Variants in FAM184A observed in about 807,000 individuals in gnomAD.
FAM184A encodes family with sequence similarity 184 member A.
In FAM184A, 99 loss-of-function variants were observed where a neutral mutation model predicts 143.8. That is an observed-to-expected ratio of 0.69 (90% confidence interval 0.58 to 0.81). FAM184A has a LOEUF of 0.81. Ranked by LOEUF, FAM184A falls within the 40% of genes least tolerant of loss-of-function variation. The pLI is 0.00. For missense variants in FAM184A, 1,217 were observed against 1,310.5 expected, an observed-to-expected ratio of 0.93 and a Z score of 1.10; for synonymous variants, 427 against 446.4, an observed-to-expected ratio of 0.96 and a Z score of 0.55.
At chr6:119,034,541 T>C (rs1448720855) in intron 1 of FAM184A, among the ~76,000 whole-genome samples, 11 of 151,464 alleles carry the variant, frequency 7.3e-5, no homozygotes, top group African/African-American at 2.7e-4. Context: ...TGAGTCGTCA[T>C]ATTCTTTGTC....
At chr6:119,074,966 G>A (rs987513303) in intron 1 of FAM184A, among the ~76,000 whole-genome samples, 120 of 152,330 alleles carry the variant, frequency 7.9e-4, no homozygotes, top group African/African-American at 2.8e-3. Flanking sequence ...ACCATGAGAA[G>A]GCAGCTATGT....
intron 1 of FAM184A, among the ~76,000 whole-genome samples, chr6:119,035,505 G>A (rs1786075222): frequency 6.6e-6 from 1 of 152,148 alleles, no homozygotes; most frequent in Non-Finnish European, 1.5e-5. Context: ...ATTTTGAAAT[G>A]GCCCTGCAAA....
At chr6:119,000,158 T>C (rs1306123885) in intron 9 of FAM184A, among the ~76,000 whole-genome samples, 1 of 152,142 alleles carries the variant, frequency 6.6e-6, no homozygotes, top group African/African-American at 2.4e-5. Flanking sequence ...AAGTAAATCA[T>C]TATATTGGAC....
chr6:119,126,373 C>T (rs774643295), intron 1 of FAM184A, among the ~76,000 whole-genome samples: 2 of 152,216 alleles, frequency 1.3e-5, no homozygotes, highest in African/African-American at 2.4e-5. Context: ...CTCCCTGAAA[C>T]AGGAAATTTT....
chr6:118,980,035 G>A, intron 10 of FAM184A, 103 bp downstream of exon 10: 1 of 836,066 alleles, frequency 1.2e-6, no homozygotes, highest in Non-Finnish European at 1.9e-6. Flanking sequence ...GTGACAGAGT[G>A]AGACCCTGTC....
At chr6:119,033,253 C>T (rs1343279650) in intron 1 of FAM184A, among the ~76,000 whole-genome samples, 1 of 152,118 alleles carries the variant, frequency 6.6e-6, no homozygotes. Flanking sequence ...AACTGGCTTG[C>T]TTCGGAGGTG....
intron 1 of FAM184A, among the ~76,000 whole-genome samples, chr6:119,148,535 C>T (rs1351934019): frequency 6.6e-6 from 1 of 152,196 alleles, no homozygotes; most frequent in Non-Finnish European, 1.5e-5. Flanking sequence ...CCTGCTCTGC[C>T]TGCAGGGAGC....
chr6:118,987,540 G>C (rs1263050446), intron 9 of FAM184A, among the ~76,000 whole-genome samples: 1 of 152,142 alleles, frequency 6.6e-6, no homozygotes, highest in Non-Finnish European at 1.5e-5. Flanking sequence ...CATAAGTAAA[G>C]AGTGATCACT....
chr6:118,999,775 G>A (rs939168838), intron 9 of FAM184A, among the ~76,000 whole-genome samples: 5 of 152,256 alleles, frequency 3.3e-5, no homozygotes, highest in Admixed American at 3.3e-4. Context: ...ACTACCACAG[G>A]AGACTGCAAG....
At chr6:119,148,791 C>T (rs549947870) in intron 1 of FAM184A, among the ~76,000 whole-genome samples, 2 of 151,656 alleles carry the variant, frequency 1.3e-5, no homozygotes, top group Admixed American at 1.3e-4. Flanking sequence ...GAATCAGGAT[C>T]TGTATTTTTT....
At chr6:119,033,965 T>C (rs1301770952) in intron 1 of FAM184A, among the ~76,000 whole-genome samples, 9 of 113,258 alleles carry the variant, frequency 7.9e-5, no homozygotes, top group African/African-American at 3.2e-4. Flanking sequence ...CACTCCAGCC[T>C]GAGTGACAGA....
At chr6:119,141,724 ACC>A in intron 1 of FAM184A, among the ~76,000 whole-genome samples, 1 of 151,614 alleles carries the variant, frequency 6.6e-6, no homozygotes, top group African/African-American at 2.4e-5. Flanking sequence ...TGATCCACCT[ACC>A]TTGGCCTCCC....
At chr6:119,082,709 T>C (rs12193093), upstream of FAM184A, among the ~76,000 whole-genome samples, 19,056 of 152,278 alleles carry the variant, frequency 0.13, 1,667 homozygotes, top group African/African-American at 0.23. Flanking sequence ...TGGGCAGCTC[T>C]GCTTCTGTGG....
chr6:119,113,825 C>T (rs966894828), intron 1 of FAM184A, among the ~76,000 whole-genome samples: 1 of 151,956 alleles, frequency 6.6e-6, no homozygotes, highest in Non-Finnish European at 1.5e-5. Flanking sequence ...GACTGTAATC[C>T]CAGATACTTG....
chr6:119,043,604 C>T (rs1342051038), intron 1 of FAM184A, among the ~76,000 whole-genome samples: 2 of 151,516 alleles, frequency 1.3e-5, no homozygotes, highest in Admixed American at 6.5e-5. Flanking sequence ...AGGGTAAGGG[C>T]AACAAACCCT....
chr6:119,058,659 C>T (rs1041815825), intron 1 of FAM184A, among the ~76,000 whole-genome samples: 1 of 152,160 alleles, frequency 6.6e-6, no homozygotes, highest in Non-Finnish European at 1.5e-5. Flanking sequence ...CAGGTGCTGC[C>T]ATGCTATGAA....
chr6:118,960,216 A>G, intron 17 of FAM184A, 32 bp from the exon 18 acceptor site: 1 of 1,586,014 alleles, frequency 6.3e-7, no homozygotes, highest in Non-Finnish European at 8.6e-7. Context: ...CATGTAACCC[A>G]GCATTAAGTC....
At chr6:119,023,775 A>G (rs1785534924) in intron 2 of FAM184A, among the ~76,000 whole-genome samples, 184 bp downstream of exon 2, 1 of 151,390 alleles carries the variant, frequency 6.6e-6, no homozygotes, top group African/African-American at 2.4e-5. Flanking sequence ...GGGTAATACA[A>G]ATTATCCTGT....
chr6:119,024,660 T>C lies in FAM184A; in HGVS notation c.313A>G (p.Arg105Gly). 6.2e-7 allele frequency: 1 copy of C among 1,614,124 alleles called. No homozygotes were observed. The highest frequency in any genetic ancestry group is 1.1e-5 in the South Asian group (1 of 91,084). Residue 105 changes from arginine to glycine, a missense_variant, in exon 2 of 18, where the codon AGA (arginine) becomes GGA (glycine). By Grantham distance (125) the Arg-to-Gly change is moderately radical. Transcript: ENST00000338891. The stretch of plus-strand genomic sequence containing the variant: ...GATTCTAAAACTTGAATCTTTCTTC[T>C]AAGGTCTAGCTCCTCTGTTACTTTG... ...KSKVTEELDL[R>G]RKIQVLESSL...
Sources: gnomAD v4.1 joint callset for allele counts (sites outside exome capture counted in the v4.1 genomes callset) on GRCh38, gnomAD v4.1.1 for gene constraint, MANE v1.5 for transcripts, NCBI Gene and HGNC (gene_info 2026-07-23, HGNC 2026-07-21) for gene names.